CACNA2D1: variants seen among roughly 807,000 people sequenced by gnomAD.
The protein encoded by CACNA2D1 is calcium voltage-gated channel auxiliary subunit alpha2delta 1, also known as voltage-dependent calcium channel subunit alpha-2/delta-1.
Under a neutral mutation model 171.5 loss-of-function variants are expected in CACNA2D1, and 53 were observed. That is an observed-to-expected ratio of 0.31 (90% CI 0.25 to 0.39). The LOEUF is 0.39. Ranked by LOEUF, CACNA2D1 falls within the 10% of genes least tolerant of loss-of-function variation. The pLI, the probability that CACNA2D1 is intolerant of heterozygous loss-of-function variation, is 1.00. For missense variants in CACNA2D1, 903 were observed against 1,299.8 expected (o/e 0.69, Z 4.69); for synonymous variants, 442 against 443.1 (o/e 1.00, Z 0.03).
chr7:82,290,112 C>T (rs1811337546), intron 3 of CACNA2D1, among the ~76,000 whole-genome samples: 1 of 152,022 alleles, frequency 6.6e-6, no homozygotes, highest in Non-Finnish European at 1.5e-5. Context: ...CGGTTTTTGC[C>T]ATTACTTTTA....
chr7:82,378,423 T>TA (rs1278263369), intron 1 of CACNA2D1, among the ~76,000 whole-genome samples: 4 of 152,076 alleles, frequency 2.6e-5, no homozygotes, highest in Non-Finnish European at 5.9e-5. Flanking sequence ...TAAATAAATT[T>TA]AAAAAATATT....
intron 1 of CACNA2D1, among the ~76,000 whole-genome samples, chr7:82,399,382 G>C (rs1345238004): frequency 6.6e-6 from 1 of 151,728 alleles, no homozygotes; most frequent in African/African-American, 2.4e-5. Flanking sequence ...GGAGGCTGCA[G>C]TGAGCCGAGA....
chr7:81,989,719 T>C (rs1196649702), intron 21 of CACNA2D1, among the ~76,000 whole-genome samples: 2 of 152,190 alleles, frequency 1.3e-5, no homozygotes, highest in Non-Finnish European at 2.9e-5. Flanking sequence ...GTGTGGCTAA[T>C]AATTTGAATT....
intron 2 of CACNA2D1, among the ~76,000 whole-genome samples, chr7:82,345,847 T>G (rs1819192387): frequency 6.6e-6 from 1 of 152,192 alleles, no homozygotes; most frequent in Admixed American, 6.6e-5. Context: ...AGCTTCCATC[T>G]CTGTTAATAC....
At position 81,950,010 on chromosome 7, in the gene CACNA2D1, TAAAATTGCAGCAAGTCA is replaced by T; in HGVS notation, c.*365_*381del. On this transcript the variant is annotated 3_prime_UTR_variant, in exon 39 of 39. Transcript: ENST00000356860. The stretch of plus-strand genomic sequence containing the variant: ...TCTTTCCCCTTAGAGATTTTCTTAG[TAAAATTGCAGCAAGTCA>T]AAATTCCAGGTCAATATCAAGACAT... 5.5e-6 allele frequency: 1 copy of T among 181,550 alleles called. No individual in the cohort carries two copies. The highest frequency in any genetic ancestry group is 1.2e-5 in the Non-Finnish European group (1 of 86,568). The allele number at this position is 181,550 out of a possible 1,614,324, so 11.2% of individuals were successfully genotyped here. A position where few individuals can be genotyped will look rare whatever the true frequency, so the allele number is the denominator to read the frequency against.
intron 3 of CACNA2D1, among the ~76,000 whole-genome samples, chr7:82,258,048 C>A (rs1806510534): frequency 6.6e-6 from 1 of 151,990 alleles, no homozygotes; most frequent in South Asian, 2.1e-4. Flanking sequence ...GCAGGTAAAG[C>A]CATTTGCTTC....
chr7:82,145,425 TTATA>T (rs1243033572), intron 4 of CACNA2D1, among the ~76,000 whole-genome samples: 1 of 142,814 alleles, frequency 7.0e-6, no homozygotes, highest in Non-Finnish European at 1.5e-5. Flanking sequence ...ATTATGTAAA[TTATA>T]TATAAATTAC....
intron 1 of CACNA2D1, among the ~76,000 whole-genome samples, chr7:82,421,967 T>C (rs1828755968): frequency 6.6e-6 from 1 of 152,170 alleles, no homozygotes; most frequent in East Asian, 1.9e-4. Flanking sequence ...TCGTCTTTTA[T>C]TCCATGGATC....
rs1417703293 is a variant in CACNA2D1, at chr7:81,950,203, A to G, written c.*189T>C. The G allele has an allele frequency of 5.3e-6, 5 of 935,158 alleles. No homozygotes were observed. The highest frequency in any genetic ancestry group is 8.0e-6 in the Non-Finnish European group (5 of 624,722). The allele number at this position is 935,158 out of a possible 1,614,324, so 57.9% of individuals were successfully genotyped here. The stretch of plus-strand genomic sequence containing the variant: ...GATGATGCAGCATTCACACACGTTT[A>G]AGGATCTGACACCCTGACATGCAGC... On this transcript the variant is annotated 3_prime_UTR_variant, in exon 39 of 39. Coordinates refer to ENST00000356860, the MANE Select transcript of CACNA2D1 (RefSeq NM_000722.4).
chr7:82,186,481 A>G (rs1797795080), intron 3 of CACNA2D1, among the ~76,000 whole-genome samples: 1 of 152,204 alleles, frequency 6.6e-6, no homozygotes, highest in South Asian at 2.1e-4. Flanking sequence ...GTTACAGAGC[A>G]AAGTTAAGGT....
intron 3 of CACNA2D1, among the ~76,000 whole-genome samples, chr7:82,177,479 G>A (rs939775433): frequency 1.3e-5 from 2 of 151,990 alleles, no homozygotes; most frequent in Non-Finnish European, 2.9e-5. Flanking sequence ...TTCAAGGTTT[G>A]GATTGAACAA....
Position 82,431,570 on chromosome 7 carries a change from G to A in CACNA2D1, c.95+11795C>T, listed in dbSNP as rs546853889. On this transcript the variant is annotated intron_variant, in intron 1 of 38. Coordinates refer to ENST00000356860, the MANE Select transcript of CACNA2D1 (RefSeq NM_000722.4). Reference sequence around the variant, plus strand: ...CTAAGACCTCAAAGCTTCTGCAAAGGGCAGCAAAGTTCAGCAGGTAAGTGT... The same window carrying A: ...CTAAGACCTCAAAGCTTCTGCAAAGAGCAGCAAAGTTCAGCAGGTAAGTGT... 2.6e-5 allele frequency among the ~76,000 whole-genome samples: 4 copies of A among 152,102 alleles called. No homozygotes were observed. In the East Asian group the frequency reaches 7.7e-4, roughly 29 times the overall value.
At chr7:82,425,277 A>AG (rs759203266) in intron 1 of CACNA2D1, among the ~76,000 whole-genome samples, 2 of 152,140 alleles carry the variant, frequency 1.3e-5, no homozygotes, top group Non-Finnish European at 2.9e-5. Flanking sequence ...GACCTTTAAT[A>AG]GGGCCTCAAC....
chr7:82,041,055 G>C (rs1029222206), intron 10 of CACNA2D1, among the ~76,000 whole-genome samples: 1 of 151,988 alleles, frequency 6.6e-6, no homozygotes, highest in Non-Finnish European at 1.5e-5. Flanking sequence ...TTGGGTTGGG[G>C]GGGTGGGGAG....
chr7:82,106,808 C>A (rs904982745), intron 6 of CACNA2D1, among the ~76,000 whole-genome samples: 1 of 152,002 alleles, frequency 6.6e-6, no homozygotes, highest in African/African-American at 2.4e-5. Context: ...ATATGATATT[C>A]CTTTCTGACT....
intron 38 of CACNA2D1, among the ~76,000 whole-genome samples, chr7:81,951,975 T>TTG (rs1421598519): frequency 6.8e-6 from 1 of 147,376 alleles, no homozygotes; most frequent in African/African-American, 2.5e-5. Flanking sequence ...AAGTGTTTTT[T>TTG]TTTTTTTTTT....
intron 3 of CACNA2D1, among the ~76,000 whole-genome samples, chr7:82,198,241 G>A (rs1025117480): frequency 2.6e-5 from 4 of 152,110 alleles, no homozygotes; most frequent in Admixed American, 2.6e-4. Flanking sequence ...AGGAAACTTA[G>A]TTAAAAACCT....
chr7:82,301,916 C>G (rs1813058172), intron 3 of CACNA2D1, among the ~76,000 whole-genome samples: 3 of 151,852 alleles, frequency 2.0e-5, no homozygotes, highest in Admixed American at 6.6e-5. Flanking sequence ...TGCCACCATG[C>G]CTGGCTAAAT....
chr7:82,168,721 T>C (rs1043173530), intron 4 of CACNA2D1, among the ~76,000 whole-genome samples: 34 of 152,058 alleles, frequency 2.2e-4, no homozygotes, highest in African/African-American at 7.7e-4. Context: ...AACAATGATA[T>C]AGGCATTACT....
Sources: gnomAD v4.1 joint callset for allele counts (sites outside exome capture counted in the v4.1 genomes callset) on GRCh38, gnomAD v4.1.1 for gene constraint, MANE v1.5 for transcripts, NCBI Gene and HGNC (gene_info 2026-07-23, HGNC 2026-07-21) for gene names.